Variants in CDIN1 observed in about 807,000 individuals in gnomAD.
The protein encoded by CDIN1 is CDAN1-interacting nuclease 1.
Under a neutral mutation model 45.3 loss-of-function variants are expected in CDIN1, and 33 were observed. The ratio of observed to expected loss-of-function variants is 0.73; its 90% CI spans 0.55 to 0.97. The LOEUF (loss-of-function observed/expected upper bound fraction) is 0.97. CDIN1 is among the 50% of genes least tolerant of loss of function. The pLI is 0.00. For missense variants in CDIN1, 303 were observed against 339.4 expected, an observed-to-expected ratio of 0.89 and a Z score of 0.84; for synonymous variants, 118 against 124.4, an observed-to-expected ratio of 0.95 and a Z score of 0.34.
chr15:36,710,454 G>A (rs1418179771), intron 10 of CDIN1, among the ~76,000 whole-genome samples: 2 of 152,132 alleles, frequency 1.3e-5, no homozygotes, highest in Admixed American at 6.6e-5. Context: ...AAATCTCAGC[G>A]TTAAGAAAGG....
intron 8 of CDIN1, chr15:36,704,887 G>A (rs2042805030): frequency 6.6e-6 from 1 of 152,082 alleles, no homozygotes; most frequent in Admixed American, 6.5e-5. Context: ...CAAATTTAAA[G>A]CCCTCAAACC....
chr15:36,699,868 G>A (rs1212009454), intron 8 of CDIN1, among the ~76,000 whole-genome samples: 1 of 152,122 alleles, frequency 6.6e-6, no homozygotes, highest in Non-Finnish European at 1.5e-5. Flanking sequence ...GTACTGATAG[G>A]AGTTCATCCT....
intron 5 of CDIN1, among the ~76,000 whole-genome samples, chr15:36,688,861 CT>C (rs1208405463): frequency 6.6e-6 from 1 of 152,200 alleles, no homozygotes; most frequent in East Asian, 1.9e-4. Context: ...CACCAACATA[CT>C]TTCATGAAGC....
chr15:36,632,523 G>A (rs1379183055), intron 1 of CDIN1, among the ~76,000 whole-genome samples: 1 of 152,158 alleles, frequency 6.6e-6, no homozygotes, highest in Admixed American at 6.5e-5. Flanking sequence ...GACTTTATCT[G>A]CATAATAAGA....
In CDIN1 at chr15:36,691,711, C is replaced by T. The variant is rs11548704; in HGVS notation, c.373C>T (p.Leu125=). The T allele has an allele frequency of 3.1e-6, 5 of 1,602,196 alleles. No homozygotes were observed. The highest frequency in any genetic ancestry group is 4.3e-6 in the Non-Finnish European group (5 of 1,173,222). The part of the protein sequence containing the change: ...PPSKSIINSM[L]RDPSQIPDGV... ...CTCCAAGTCTATTATAAATAGTATG[C>T]TACGGGACCCTTCTCAGATTCCAGA... Residue 125 remains leucine (L), a synonymous_variant, in exon 6 of 11, where the codon CTA becomes TTA. Coordinates refer to ENST00000566621, the MANE Select transcript of CDIN1 (RefSeq NM_001321759.2).
At position 36,689,607 on chromosome 15, in the gene CDIN1, G is replaced by C. The variant is rs933509135; in HGVS notation, c.347-2078G>C. Among the ~76,000 whole-genome samples the C allele has an allele frequency of 3.9e-5, 6 of 152,208 alleles. No homozygotes were observed. In the East Asian group the frequency reaches 5.8e-4, roughly 15 times the overall value. ...CCTCTAGAAGGTAATGAAAGGTATG[G>C]ACAACTGCTTTGGTCCCCTCTGACT... On this transcript the variant is annotated intron_variant, in intron 5 of 10. Transcript: ENST00000566621.
intron 1 of CDIN1, among the ~76,000 whole-genome samples, chr15:36,605,585 G>A (rs1300848867): frequency 6.6e-6 from 1 of 152,170 alleles, no homozygotes; most frequent in Non-Finnish European, 1.5e-5. Flanking sequence ...CACCTCAATA[G>A]CAGACATCAG....
At chr15:36,690,592 T>C (rs946980467) in intron 5 of CDIN1, among the ~76,000 whole-genome samples, 1 of 152,132 alleles carries the variant, frequency 6.6e-6, no homozygotes, top group African/African-American at 2.4e-5. Context: ...TATGTATCAG[T>C]GTTCTTATAG....
At chr15:36,778,224 G>T (rs1221720923) in intron 10 of CDIN1, among the ~76,000 whole-genome samples, 1 of 152,118 alleles carries the variant, frequency 6.6e-6, no homozygotes, top group African/African-American at 2.4e-5. Context: ...TGAAGCTACT[G>T]ACCCCCACAG....
At chr15:36,633,178 C>G (rs1469707075) in intron 1 of CDIN1, among the ~76,000 whole-genome samples, 2 of 152,118 alleles carry the variant, frequency 1.3e-5, no homozygotes, top group African/African-American at 4.8e-5. Flanking sequence ...TAAATGAACC[C>G]TTTGAATATA....
intron 5 of CDIN1, among the ~76,000 whole-genome samples, chr15:36,673,116 A>C (rs1177543442): frequency 6.6e-6 from 1 of 152,104 alleles, no homozygotes; most frequent in Non-Finnish European, 1.5e-5. Flanking sequence ...GAAAAGTATC[A>C]GCACTTTTTA....
chr15:36,648,427 A>ATTTTTTTTTTTTT (rs4008147), intron 3 of CDIN1, among the ~76,000 whole-genome samples: 1 of 91,068 alleles, frequency 1.1e-5, no homozygotes. Flanking sequence ...CCAATATTCT[A>ATTTTTTTTTTTTT]TTTTTTTTTT....
At position 36,701,744 on chromosome 15, in the gene CDIN1, G is replaced by A. The variant is rs571033083; in HGVS notation, c.544+4354G>A. ...GAGTGACACCTGGGAGGCATTTGCT[G>A]TGCCCCTGCCTCACCCTCGCCCCCA... On this transcript the variant is annotated intron_variant, in intron 8 of 10. Coordinates refer to ENST00000566621, the MANE Select transcript of CDIN1 (RefSeq NM_001321759.2). 2.0e-5 allele frequency among the ~76,000 whole-genome samples: 3 copies of A among 152,238 alleles called. No individual in the cohort carries two copies. In the South Asian group the frequency reaches 6.2e-4, roughly 32 times the overall value.
chr15:36,748,035 A>G (rs903468999), intron 10 of CDIN1, among the ~76,000 whole-genome samples: 1 of 152,218 alleles, frequency 6.6e-6, no homozygotes, highest in Non-Finnish European at 1.5e-5. Context: ...TAGAAAGGGC[A>G]CAGGTCTGGG....
intron 5 of CDIN1, among the ~76,000 whole-genome samples, chr15:36,670,038 G>T (rs1395696490): frequency 6.6e-6 from 1 of 152,022 alleles, no homozygotes; most frequent in Non-Finnish European, 1.5e-5. Context: ...CTGGAGAGAG[G>T]AGTGTGGAGA....
chr15:36,768,576 A>C (rs972152681), intron 10 of CDIN1, among the ~76,000 whole-genome samples: 2 of 152,120 alleles, frequency 1.3e-5, no homozygotes, highest in Admixed American at 6.5e-5. Context: ...TGGGAAGCCA[A>C]ATCTGAGGTG....
intron 10 of CDIN1, chr15:36,756,208 C>T (rs2053605342): frequency 1.1e-5 from 5 of 448,030 alleles, no homozygotes; most frequent in South Asian, 7.9e-5. Flanking sequence ...GTGAAATTAC[C>T]AGCCCACAAT....
At chr15:36,775,460 T>C (rs571923503) in intron 10 of CDIN1, among the ~76,000 whole-genome samples, 1 of 152,320 alleles carries the variant, frequency 6.6e-6, no homozygotes, top group East Asian at 1.9e-4. Context: ...AGTCTACATC[T>C]TGGTTAGATC....
intron 10 of CDIN1, among the ~76,000 whole-genome samples, chr15:36,800,237 T>C (rs4923726): frequency 0.31 from 46,937 of 152,056 alleles, 8,674 homozygotes; most frequent in Admixed American, 0.47. Flanking sequence ...CATGCATAGA[T>C]TGAGTGAGAA....
Sources: allele counts gnomAD v4.1 joint callset (sites outside exome capture counted in the v4.1 genomes callset), GRCh38; gene constraint gnomAD v4.1.1; transcripts MANE v1.5; gene names NCBI Gene and HGNC (gene_info 2026-07-23, HGNC 2026-07-21).